The following WDR47 variants were observed in gnomAD, a reference collection of about 807,000 sequenced individuals.
WDR47 encodes WD repeat-containing protein 47.
Under a neutral mutation model 97.2 loss-of-function variants are expected in WDR47, and 32 were observed. That is an observed-to-expected ratio of 0.33 (90% CI 0.25 to 0.44). The LOEUF is 0.44. WDR47 is among the 20% of genes least tolerant of loss of function. WDR47 has a pLI of 1.00. For missense variants in WDR47, 782 were observed against 1,102.3 expected, an observed-to-expected ratio of 0.71 and a Z score of 4.11; for synonymous variants, 375 against 373.5, an observed-to-expected ratio of 1.00 and a Z score of -0.05.
chr1:109,037,570 T>C (rs1194822197), intron 1 of WDR47, among the ~76,000 whole-genome samples: 1 of 140,170 alleles, frequency 7.1e-6, no homozygotes, highest in Non-Finnish European at 1.5e-5. Context: ...GAGCTTGCAG[T>C]GAGCTGAGAT....
chr1:109,036,402 T>A (rs190225923), intron 1 of WDR47, among the ~76,000 whole-genome samples: 184 of 151,414 alleles, frequency 1.2e-3, no homozygotes, highest in African/African-American at 4.1e-3. Flanking sequence ...TGAAATCCCG[T>A]CTCTACTAAA....
chr1:109,029,024 A>G (rs905202245), intron 1 of WDR47, among the ~76,000 whole-genome samples: 4 of 152,186 alleles, frequency 2.6e-5, no homozygotes, highest in Non-Finnish European at 4.4e-5. Flanking sequence ...TTCTTTAAAT[A>G]TAAGTATGTC....
At chr1:109,035,499 A>ATT (rs773014772) in intron 1 of WDR47, among the ~76,000 whole-genome samples, 8 of 143,938 alleles carry the variant, frequency 5.6e-5, no homozygotes, top group Non-Finnish European at 7.7e-5. Context: ...CAATTTTTAA[A>ATT]TTTTTTTTTT....
intron 9 of WDR47, among the ~76,000 whole-genome samples, chr1:108,989,638 A>G (rs1357638578): frequency 6.6e-6 from 1 of 152,222 alleles, no homozygotes. Context: ...AAAAATTACT[A>G]AAGATTGCTT....
intron 5 of WDR47, among the ~76,000 whole-genome samples, chr1:109,005,118 T>A (rs1294691112): frequency 1.3e-5 from 2 of 151,874 alleles, no homozygotes; most frequent in African/African-American, 4.8e-5. Context: ...AAAAAATGAA[T>A]AGCCCAGGCA....
Position 109,017,532 on chromosome 1 carries a change from T to C in WDR47, c.228A>G (p.Lys76=). 1 of 1,612,560 alleles carries C rather than the reference T, an allele frequency of 6.2e-7. No individual in the cohort carries two copies. The highest frequency in any genetic ancestry group is 2.2e-5 in the East Asian group (1 of 44,838). The part of the protein sequence containing the change: ...QFIQPLECME[K]FDKKRFRYII... ...TAAAATCTTACCTTTTTTTGTCAAA[T>C]TTTTCCATACATTCTAGAGGCTGAA... The change falls in exon 3 of 15, where the codon AAA becomes AAG. Residue 76 remains lysine (K), a synonymous_variant. Coordinates refer to ENST00000369962, the MANE Select transcript of WDR47 (RefSeq NM_001142551.2).
At chr1:109,027,074 T>A (rs1054816678) in intron 1 of WDR47, among the ~76,000 whole-genome samples, 20 of 152,020 alleles carry the variant, frequency 1.3e-4, no homozygotes, top group Non-Finnish European at 2.5e-4. Context: ...TTTTTTTTTT[T>A]AAGGCAGAGT....
intron 9 of WDR47, among the ~76,000 whole-genome samples, chr1:108,989,578 A>C (rs1659158025): frequency 6.6e-6 from 1 of 152,238 alleles, no homozygotes; most frequent in African/African-American, 2.4e-5. Flanking sequence ...GGTAGATAAG[A>C]GAAAAAGGGA....
chr1:109,014,037 G>C (rs1661230046), intron 3 of WDR47, 112 bp from the exon 4 acceptor site: 1 of 701,792 alleles, frequency 1.4e-6, no homozygotes. Flanking sequence ...AATTTACTAG[G>C]CTTCTTATCA....
At chr1:109,017,622 A>C in intron 2 of WDR47, 21 bp from the exon 3 acceptor site, 1 of 1,591,468 alleles carries the variant, frequency 6.3e-7, no homozygotes, top group African/African-American at 1.4e-5. Context: ...AATTTAAAAA[A>C]ACCAGCATGT....
At chr1:109,023,280 T>TTA (rs753755506) in intron 2 of WDR47, 75 bp downstream of exon 2, 15 of 1,394,628 alleles carry the variant, frequency 1.1e-5, no homozygotes, top group African/African-American at 1.4e-5. Context: ...TCTATCTGTA[T>TTA]TATATATATT....
intron 13 of WDR47, among the ~76,000 whole-genome samples, chr1:108,979,111 CAG>C (rs1286474804): frequency 2.6e-5 from 4 of 152,062 alleles, no homozygotes; most frequent in Non-Finnish European, 5.9e-5. Flanking sequence ...TTAATGTTAT[CAG>C]AGAGAGGAGA....
At chr1:109,022,876 A>T (rs1314970917) in intron 2 of WDR47, among the ~76,000 whole-genome samples, 1 of 149,344 alleles carries the variant, frequency 6.7e-6, no homozygotes, top group Non-Finnish European at 1.5e-5. Flanking sequence ...GTGAGCCACC[A>T]CGCCCAGCCT....
chr1:109,009,669 T>C lies in WDR47; in HGVS notation c.1130+1247A>G, dbSNP rs1660886677. Among the ~76,000 whole-genome samples, 4 of 152,122 alleles carry C rather than the reference T, an allele frequency of 2.6e-5. No individual in the cohort carries two copies. In the South Asian group the frequency reaches 6.2e-4, roughly 24 times the overall value. On this transcript the variant is annotated intron_variant, in intron 5 of 14. Coordinates refer to ENST00000369962, the MANE Select transcript of WDR47 (RefSeq NM_001142551.2). ...TTTCAAGTGGAAAAAGCAGATTACA[T>C]GAAAATCTATGTAATATATTCCCAG...
intron 14 of WDR47, among the ~76,000 whole-genome samples, chr1:108,972,258 T>C (rs1312405630): frequency 6.6e-6 from 1 of 152,002 alleles, no homozygotes; most frequent in Non-Finnish European, 1.5e-5. Flanking sequence ...AAAATATATC[T>C]CAAATTTAGT....
At position 109,011,544 on chromosome 1, in the gene WDR47, C is replaced by T. The variant is rs1425755538; in HGVS notation, c.502G>A (p.Ala168Thr). The change falls in exon 5 of 15, where the codon GCT becomes ACT. Residue 168 changes from alanine to threonine, a missense_variant. Physicochemically the swap from Ala to Thr is moderately conservative, Grantham distance 58. Transcript: ENST00000369962. The stretch of plus-strand genomic sequence containing the variant: ...ATGAATTCTGCAACCATGACACAAG[C>T]CTCTTCAAAACAGTGAACTCGTGCG... ...STARVHCFEE[A>T]CVMVAEFIPA... is the part of the protein sequence containing the mutation. 1.2e-6 allele frequency: 2 copies of T among 1,614,184 alleles called. No individual in the cohort carries two copies. Among genetic ancestry groups the T allele is most frequent in the Non-Finnish European group, 1.7e-6 (2 of 1,180,040 alleles).
intron 9 of WDR47, among the ~76,000 whole-genome samples, chr1:108,990,244 T>C (rs1361669636): frequency 6.6e-6 from 1 of 152,038 alleles, no homozygotes; most frequent in Non-Finnish European, 1.5e-5. Context: ...AGTCTTGCTC[T>C]GTCCCCCAGG....
intron 9 of WDR47, among the ~76,000 whole-genome samples, chr1:108,988,832 A>C (rs1659070084): frequency 6.6e-6 from 1 of 151,704 alleles, no homozygotes; most frequent in South Asian, 2.1e-4. Flanking sequence ...ATCTTGATTC[A>C]CCGCAACCTC....
In WDR47 at chr1:108,971,179, G is replaced by A. The variant is rs1657425981; in HGVS notation, c.*251C>T. The A allele has an allele frequency of 2.4e-6, 1 of 421,872 alleles. No individual in the cohort carries two copies. Among genetic ancestry groups the A allele is most frequent in the African/African-American group, 2.0e-5 (1 of 50,796 alleles). 26.1% of individuals were successfully genotyped at this position (421,872 alleles called of 1,614,324 possible). A position where few individuals can be genotyped will look rare whatever the true frequency, so the allele number is the denominator to read the frequency against. On this transcript the variant is annotated 3_prime_UTR_variant, in exon 15 of 15. Coordinates refer to ENST00000369962, the MANE Select transcript of WDR47 (RefSeq NM_001142551.2). ...CTTGGAGTGCACACCAACAACTGAA[G>A]AGCTCTTCTGCAGACTTTGGCAACG...
Sources: allele counts gnomAD v4.1 joint callset (sites outside exome capture counted in the v4.1 genomes callset), GRCh38; gene constraint gnomAD v4.1.1; transcripts MANE v1.5; gene names NCBI Gene and HGNC (gene_info 2026-07-23, HGNC 2026-07-21).